Variants in THSD7B observed in about 807,000 individuals in gnomAD.
THSD7B encodes the protein thrombospondin type 1 domain containing 7B, also known as thrombospondin type-1 domain-containing protein 7B.
Under a neutral mutation model 213.6 loss-of-function variants are expected in THSD7B, and 138 were observed. That is an observed-to-expected ratio of 0.65 (90% confidence interval 0.56 to 0.74). The LOEUF (loss-of-function observed/expected upper bound fraction) is 0.74. THSD7B is among the 30% of genes least tolerant of loss of function. THSD7B has a pLI of 0.00. For missense variants in THSD7B, 1,931 were observed against 1,991.5 expected (o/e 0.97, Z 0.58); for synonymous variants, 742 against 687.0 (o/e 1.08, Z -1.25).
intron 21 of THSD7B, among the ~76,000 whole-genome samples, chr2:137,648,137 T>C (rs1173313653): frequency 6.6e-6 from 1 of 152,236 alleles, no homozygotes; most frequent in East Asian, 1.9e-4. Flanking sequence ...TTTGGGTATA[T>C]GTGATAACTT....
intron 12 of THSD7B, among the ~76,000 whole-genome samples, chr2:137,383,477 G>C (rs1279651966): frequency 1.3e-5 from 2 of 152,150 alleles, no homozygotes; most frequent in Non-Finnish European, 2.9e-5. Flanking sequence ...TTGGCCTTGG[G>C]GATGGAATGT....
intron 12 of THSD7B, among the ~76,000 whole-genome samples, chr2:137,301,735 G>A (rs978512686): frequency 6.6e-6 from 1 of 152,088 alleles, no homozygotes; most frequent in African/African-American, 2.4e-5. Context: ...TCCCAGGTTA[G>A]TAAAGACCTT....
chr2:137,309,401 T>C (rs537605718), intron 12 of THSD7B, among the ~76,000 whole-genome samples: 32 of 151,948 alleles, frequency 2.1e-4, no homozygotes, highest in Non-Finnish European at 4.1e-4. Flanking sequence ...ATTTTGCAAA[T>C]ATGCTCCCAG....
intron 1 of THSD7B, among the ~76,000 whole-genome samples, chr2:136,822,843 C>T (rs985942025): frequency 8.5e-5 from 13 of 152,100 alleles, no homozygotes; most frequent in African/African-American, 3.1e-4. Flanking sequence ...AAAAACTCCC[C>T]AGGATAATTC....
intron 24 of THSD7B, among the ~76,000 whole-genome samples, 177 bp downstream of exon 24, chr2:137,657,337 T>C (rs1016021708): frequency 5.1e-4 from 77 of 152,342 alleles, no homozygotes; most frequent in African/African-American, 1.4e-3. Flanking sequence ...AATTCAATTT[T>C]AAGACCTATA....
chr2:137,155,374 C>G (rs1032772491), intron 5 of THSD7B, among the ~76,000 whole-genome samples: 2 of 152,124 alleles, frequency 1.3e-5, no homozygotes, highest in African/African-American at 4.8e-5. Context: ...CAGACCTGCT[C>G]CTAGGGCCTC....
intron 5 of THSD7B, among the ~76,000 whole-genome samples, chr2:137,134,113 T>C (rs1302514536): frequency 3.3e-5 from 5 of 152,154 alleles, no homozygotes; most frequent in Non-Finnish European, 5.9e-5. Context: ...CCTTACAACA[T>C]CCCAATCAAG....
chr2:137,370,934 T>C (rs1685525902), intron 12 of THSD7B, among the ~76,000 whole-genome samples: 1 of 152,294 alleles, frequency 6.6e-6, no homozygotes, highest in South Asian at 2.1e-4. Context: ...GTAAATAAAC[T>C]ATGATAATCT....
chr2:137,616,005 A>G (rs1682378884), intron 17 of THSD7B, among the ~76,000 whole-genome samples, 170 bp from the exon 18 acceptor site: 1 of 152,190 alleles, frequency 6.6e-6, no homozygotes, highest in Admixed American at 6.5e-5. Flanking sequence ...GTGGAGAAAA[A>G]GAATTTATAA....
intron 6 of THSD7B, 147 bp from the exon 7 acceptor site, chr2:137,170,594 C>T: frequency 1.4e-6 from 1 of 696,414 alleles, no homozygotes; most frequent in Non-Finnish European, 2.3e-6. Flanking sequence ...CATCCTCTCA[C>T]TTCACATAGA....
intron 12 of THSD7B, among the ~76,000 whole-genome samples, chr2:137,284,704 G>A (rs544457252): frequency 1.3e-5 from 2 of 152,226 alleles, no homozygotes; most frequent in East Asian, 3.9e-4. Flanking sequence ...ATGTAGTTGA[G>A]TTGTTTTGAG....
chr2:137,154,384 TC>T (rs757908853), intron 5 of THSD7B, among the ~76,000 whole-genome samples: 3 of 152,162 alleles, frequency 2.0e-5, no homozygotes, highest in African/African-American at 4.8e-5. Flanking sequence ...TGATTTTTTA[TC>T]CAGTAATAGA....
intron 15 of THSD7B, among the ~76,000 whole-genome samples, chr2:137,556,587 C>G (rs1006123471): frequency 1.3e-5 from 2 of 152,186 alleles, no homozygotes; most frequent in African/African-American, 4.8e-5. Context: ...ACTGCAAAAA[C>G]ATGCCAAATT....
intron 5 of THSD7B, among the ~76,000 whole-genome samples, chr2:137,147,109 A>G (rs1407449696): frequency 6.6e-6 from 1 of 152,106 alleles, no homozygotes. Flanking sequence ...ACTTGGGTCT[A>G]TGTTAGGTTC....
chr2:137,013,011 T>A (rs1374492076), intron 2 of THSD7B, among the ~76,000 whole-genome samples: 1 of 152,234 alleles, frequency 6.6e-6, no homozygotes, highest in East Asian at 1.9e-4. Context: ...CCGGTCAAGA[T>A]AACTCAATGA....
At chr2:136,855,273 A>G (rs1010816658) in intron 1 of THSD7B, among the ~76,000 whole-genome samples, 3 of 152,188 alleles carry the variant, frequency 2.0e-5, no homozygotes, top group African/African-American at 7.2e-5. Flanking sequence ...TTTCCAGTAT[A>G]CATCAGATCA....
At chr2:137,629,500 G>T (rs1032948354) in intron 20 of THSD7B, among the ~76,000 whole-genome samples, 2 of 152,134 alleles carry the variant, frequency 1.3e-5, no homozygotes, top group Non-Finnish European at 2.9e-5. Flanking sequence ...GACCCTGTTT[G>T]TCTACAAACA....
Position 137,095,123 on chromosome 2 carries a change from T to A in THSD7B, c.1199+2T>A. ...AGAACTTCTGCAGCAATGTCCCAGG[T>A]ATTACGCCTTTATGCCTTCTTTAGT... On this transcript the variant is annotated splice_donor_variant, in intron 4 of 27. Transcript: ENST00000409968. LOFTEE classifies it high-confidence loss of function. 1 of 1,613,486 alleles carries A rather than the reference T, an allele frequency of 6.2e-7. No homozygotes were observed. Among genetic ancestry groups the A allele is most frequent in the Non-Finnish European group, 8.5e-7 (1 of 1,179,526 alleles).
intron 12 of THSD7B, among the ~76,000 whole-genome samples, chr2:137,347,672 G>A (rs577505944): frequency 1.3e-4 from 19 of 150,984 alleles, no homozygotes; most frequent in African/African-American, 3.4e-4. Flanking sequence ...GAATTTGGGC[G>A]GATCTCGTTA....
Sources: allele counts gnomAD v4.1 joint callset (sites outside exome capture counted in the v4.1 genomes callset), GRCh38; gene constraint gnomAD v4.1.1; transcripts MANE v1.5; gene names NCBI Gene and HGNC (gene_info 2026-07-23, HGNC 2026-07-21).